Variants in TPPP observed in about 807,000 individuals in gnomAD.
TPPP encodes tubulin polymerization-promoting protein.
Under a neutral mutation model 15.5 loss-of-function variants are expected in TPPP, and 6 were observed. The observed-to-expected ratio is 0.39, with a 90% CI of 0.21 to 0.77. The LOEUF (loss-of-function observed/expected upper bound fraction) is 0.77, where lower values mean the gene tolerates loss of function less well. TPPP is among the 30% of genes least tolerant of loss of function. TPPP has a pLI of 0.42. For synonymous variants in TPPP, 146 were observed against 133.9 expected (o/e 1.09, Z -0.63); for missense variants, 269 against 307.2 (o/e 0.88, Z 0.93).
chr5:669,736 G>A (rs1740132934), intron 2 of TPPP, among the ~76,000 whole-genome samples: 1 of 152,098 alleles, frequency 6.6e-6, no homozygotes, highest in East Asian at 1.9e-4. Flanking sequence ...CTCCCCGAGT[G>A]TCTCGGGGAA....
At chr5:669,491 C>CCT (rs1561083225) in intron 2 of TPPP, among the ~76,000 whole-genome samples, 1 of 152,092 alleles carries the variant, frequency 6.6e-6, no homozygotes, top group African/African-American at 2.4e-5. Flanking sequence ...GCCCTTGGGG[C>CCT]CTCTGTCTGT....
chr5:683,165 T>C (rs1740672904), intron 1 of TPPP, among the ~76,000 whole-genome samples: 1 of 152,170 alleles, frequency 6.6e-6, no homozygotes, highest in South Asian at 2.1e-4. Context: ...CAAGTGCCCA[T>C]GGTAGGACAG....
intron 1 of TPPP, among the ~76,000 whole-genome samples, chr5:681,527 C>T (rs192939673): frequency 8.9e-4 from 135 of 152,302 alleles, no homozygotes; most frequent in Non-Finnish European, 1.6e-3. Flanking sequence ...TCCCACTGGC[C>T]GGCACCTCCC....
At chr5:670,353 T>A (rs1433890497) in intron 2 of TPPP, among the ~76,000 whole-genome samples, 1 of 152,170 alleles carries the variant, frequency 6.6e-6, no homozygotes, top group Non-Finnish European at 1.5e-5. Flanking sequence ...GCAGCTGCTG[T>A]GGCTGGAGTG....
At chr5:694,562 C>T (rs1740985119), upstream of TPPP, among the ~76,000 whole-genome samples, 1 of 102,134 alleles carries the variant, frequency 9.8e-6, no homozygotes, top group Non-Finnish European at 2.5e-5. Context: ...ACGGTGGTCC[C>T]GCGCCCCACA....
rs573025385 is a variant in TPPP, at chr5:661,693, G to A, written c.*3409C>T. ...GCCGTCCAAACAATGTTCTGTGTTCGGAGGCGGCACACAGATGCAATTACG... is the reference window on the plus strand; with the variant it reads ...GCCGTCCAAACAATGTTCTGTGTTCAGAGGCGGCACACAGATGCAATTACG... On this transcript the variant is annotated 3_prime_UTR_variant, in exon 4 of 4. Transcript: ENST00000360578. 3.9e-5 allele frequency: 6 copies of A among 152,534 alleles called. No individual in the cohort carries two copies. Among genetic ancestry groups the A allele is most frequent in the East Asian group, 3.8e-4 (2 of 5,330 alleles). The allele number at this position is 152,534 out of a possible 1,614,324, so 9.4% of individuals were successfully genotyped here.
At chr5:682,756 G>T (rs1308031712) in intron 1 of TPPP, among the ~76,000 whole-genome samples, 114 of 152,186 alleles carry the variant, frequency 7.5e-4, no homozygotes, top group African/African-American at 2.5e-3. Context: ...CGCCCACGCG[G>T]GGGTGGCGCC....
chr5:696,851 T>C (rs561853161), upstream of TPPP, among the ~76,000 whole-genome samples: 1 of 84,686 alleles, frequency 1.2e-5, no homozygotes, highest in Non-Finnish European at 2.5e-5. Context: ...CAGCTGTGTA[T>C]GTTCAGCTGT....
In TPPP at chr5:692,979, G is replaced by C. The variant is rs535548931; in HGVS notation, c.-5+299C>G. 1.0e-4 allele frequency: 71 copies of C among 698,206 alleles called. 1 individual carries two copies. The East Asian group carries it at 5.1e-3, about 50-fold the overall frequency. The allele number at this position is 698,206 out of a possible 1,614,324, so 43.3% of individuals were successfully genotyped here. On this transcript the variant is annotated intron_variant, in intron 1 of 3. Coordinates refer to ENST00000360578, the MANE Select transcript of TPPP (RefSeq NM_007030.3). Reference sequence around the variant, plus strand: ...CGTGGCCGCGAAGAAAGGCCAAAGCGCCAGGCACAGGGCCCGGAGACGGTG... The same window carrying C: ...CGTGGCCGCGAAGAAAGGCCAAAGCCCCAGGCACAGGGCCCGGAGACGGTG...
chr5:670,448 G>C (rs571788921), intron 2 of TPPP, among the ~76,000 whole-genome samples: 11 of 152,112 alleles, frequency 7.2e-5, no homozygotes, highest in Admixed American at 5.2e-4. Flanking sequence ...GTACTTAGGC[G>C]AGTCTGAGAG....
At chr5:676,939 C>T (rs540566565) in intron 2 of TPPP, among the ~76,000 whole-genome samples, 6 of 149,874 alleles carry the variant, frequency 4.0e-5, no homozygotes, top group African/African-American at 9.8e-5. Context: ...CGCGCGCACA[C>T]GACGCAGAAA....
chr5:694,770 G>C (rs1328601491), upstream of TPPP, among the ~76,000 whole-genome samples: 1 of 19,184 alleles, frequency 5.2e-5, no homozygotes, highest in Non-Finnish European at 1.6e-4. Context: ...CGCGGAGCCC[G>C]GAGTGCCTCC....
chr5:676,770 C>T (rs928796828), intron 2 of TPPP, among the ~76,000 whole-genome samples: 3 of 152,308 alleles, frequency 2.0e-5, no homozygotes, highest in East Asian at 1.9e-4. Context: ...CGGCAACAGA[C>T]GTGTGCACAC....
upstream of TPPP, chr5:693,462 G>T (rs1740952203): frequency 7.2e-6 from 1 of 139,172 alleles, no homozygotes; most frequent in Admixed American, 7.1e-5. Context: ...CCAGCGTCCC[G>T]CCCCGCGCGC....
rs770715954 is a variant in TPPP, at chr5:662,838, G to C, written c.*2264C>G. 6.6e-6 allele frequency: 1 copy of C among 152,484 alleles called. No individual in the cohort carries two copies. Among genetic ancestry groups the C allele is most frequent in the Non-Finnish European group, 1.5e-5 (1 of 68,112 alleles). 9.4% of individuals were successfully genotyped at this position (152,484 alleles called of 1,614,324 possible). On this transcript the variant is annotated 3_prime_UTR_variant, in exon 4 of 4. Transcript: ENST00000360578. ...AAGGGCTTTGGAGTTGTGATGGGCT[G>C]TTATCGGGTGATTCCGGTGGCCACT...
chr5:679,100 T>C (rs545988302), intron 1 of TPPP, among the ~76,000 whole-genome samples: 1 of 152,164 alleles, frequency 6.6e-6, no homozygotes, highest in East Asian at 1.9e-4. Flanking sequence ...AGGACACAGG[T>C]AGGTGTCCCA....
At chr5:685,236 C>T (rs1244157621) in intron 1 of TPPP, among the ~76,000 whole-genome samples, 1 of 152,218 alleles carries the variant, frequency 6.6e-6, no homozygotes, top group Non-Finnish European at 1.5e-5. Flanking sequence ...GGCTCTGCCC[C>T]ATAGAAGACC....
intron 2 of TPPP, chr5:667,079 C>T (rs1739948395): frequency 6.6e-6 from 1 of 152,164 alleles, no homozygotes; most frequent in Non-Finnish European, 1.5e-5. Context: ...CCCATAAAAC[C>T]CCAGCAAGCC....
At chr5:687,310 C>T (rs1383480638) in intron 1 of TPPP, among the ~76,000 whole-genome samples, 3 of 135,126 alleles carry the variant, frequency 2.2e-5, no homozygotes, top group African/African-American at 8.2e-5. Context: ...CGGGTGGGAC[C>T]AGAGGCTCAG....
Sources: allele counts gnomAD v4.1 joint callset (sites outside exome capture counted in the v4.1 genomes callset), GRCh38; gene constraint gnomAD v4.1.1; transcripts MANE v1.5; gene names NCBI Gene and HGNC (gene_info 2026-07-23, HGNC 2026-07-21).